The following NKAIN2 variants were observed in gnomAD, a reference collection of about 807,000 sequenced individuals.
The protein encoded by NKAIN2 is sodium/potassium transporting ATPase interacting 2.
NKAIN2 carries 14 observed loss-of-function variants against 32.6 expected under a neutral mutation model. The observed-to-expected ratio is 0.43, with a 90% CI of 0.28 to 0.67. The LOEUF (loss-of-function observed/expected upper bound fraction) is 0.67, where lower values mean the gene tolerates loss of function less well. Among genes scored for constraint, NKAIN2 ranks in the 30% least tolerant of loss-of-function variants. The pLI is 0.17. For synonymous variants in NKAIN2, 80 were observed against 87.2 expected, an observed-to-expected ratio of 0.92 and a Z score of 0.46; for missense variants, 198 against 258.3, an observed-to-expected ratio of 0.77 and a Z score of 1.60.
chr6:124,017,585 T>C (rs1780640702), intron 1 of NKAIN2, among the ~76,000 whole-genome samples: 1 of 152,020 alleles, frequency 6.6e-6, no homozygotes. Context: ...CCATTCCAAA[T>C]GGGAGAAATT....
At chr6:123,967,913 C>T (rs1032250906) in intron 1 of NKAIN2, among the ~76,000 whole-genome samples, 7 of 152,062 alleles carry the variant, frequency 4.6e-5, no homozygotes, top group Non-Finnish European at 8.8e-5. Context: ...CTTAACTAAT[C>T]GTGCCTATAA....
chr6:124,090,262 T>C (rs957112447), intron 1 of NKAIN2, among the ~76,000 whole-genome samples: 1 of 152,066 alleles, frequency 6.6e-6, no homozygotes, highest in Non-Finnish European at 1.5e-5. Flanking sequence ...TTAGATTCTT[T>C]AACTGAAGTC....
At chr6:124,613,055 G>A (rs1782750261) in intron 3 of NKAIN2, among the ~76,000 whole-genome samples, 1 of 152,114 alleles carries the variant, frequency 6.6e-6, no homozygotes, top group South Asian at 2.1e-4. Context: ...CTTTTTGAAT[G>A]TTTCAATATA....
chr6:124,055,543 G>A (rs1782603930), intron 1 of NKAIN2, among the ~76,000 whole-genome samples: 3 of 151,750 alleles, frequency 2.0e-5, no homozygotes, highest in Non-Finnish European at 4.4e-5. Flanking sequence ...CCATTCTTTT[G>A]TCCTCAGAGA....
chr6:123,927,625 G>A (rs1159121283), intron 1 of NKAIN2, among the ~76,000 whole-genome samples: 2 of 152,180 alleles, frequency 1.3e-5, no homozygotes, highest in Non-Finnish European at 2.9e-5. Context: ...CAAGAAAGGT[G>A]CTTATTTCTC....
chr6:124,612,525 T>A (rs1208103147), intron 3 of NKAIN2, among the ~76,000 whole-genome samples: 1 of 151,956 alleles, frequency 6.6e-6, no homozygotes, highest in Non-Finnish European at 1.5e-5. Context: ...ATTCTTGAAG[T>A]CTTATACCTG....
At chr6:124,697,690 TTC>T (rs1268784503) in intron 4 of NKAIN2, among the ~76,000 whole-genome samples, 1 of 152,224 alleles carries the variant, frequency 6.6e-6, no homozygotes, top group Non-Finnish European at 1.5e-5. Flanking sequence ...TCTATATTGT[TTC>T]TGTTTCAAAT....
intron 4 of NKAIN2, among the ~76,000 whole-genome samples, chr6:124,779,571 T>C (rs1446152061): frequency 6.6e-6 from 1 of 152,118 alleles, no homozygotes; most frequent in African/African-American, 2.4e-5. Flanking sequence ...TGGCCTCCAA[T>C]TGATTTTGAC....
intron 1 of NKAIN2, among the ~76,000 whole-genome samples, chr6:124,276,118 T>C (rs192546927): frequency 2.6e-5 from 4 of 152,126 alleles, no homozygotes; most frequent in African/African-American, 9.7e-5. Context: ...TGGTGGTGTT[T>C]CGTTGTGGTG....
At chr6:124,433,739 CCA>C (rs1036401764) in intron 3 of NKAIN2, among the ~76,000 whole-genome samples, 3 of 152,080 alleles carry the variant, frequency 2.0e-5, no homozygotes, top group African/African-American at 7.2e-5. Flanking sequence ...CAAGAGGCTA[CCA>C]TGAATATTTG....
chr6:124,235,929 A>G (rs989043300), intron 1 of NKAIN2, among the ~76,000 whole-genome samples: 4 of 151,528 alleles, frequency 2.6e-5, no homozygotes, highest in Admixed American at 6.6e-5. Context: ...TTAATTTTTC[A>G]TGATTCTTTT....
intron 3 of NKAIN2, among the ~76,000 whole-genome samples, chr6:124,526,187 C>A (rs974316356): frequency 3.9e-5 from 6 of 151,918 alleles, no homozygotes; most frequent in Non-Finnish European, 5.9e-5. Context: ...ACAAAAGAAG[C>A]TGGAATAGAG....
chr6:124,028,803 G>A lies in NKAIN2; in HGVS notation c.54+224549G>A, dbSNP rs577895174. 4.9e-5 allele frequency among the ~76,000 whole-genome samples: 7 copies of A among 144,084 alleles called. No homozygotes were observed. The South Asian group carries it at 1.1e-3, about 22-fold the overall frequency. The allele number at this position is 144,084 out of a possible 152,430, so 94.5% of individuals were successfully genotyped here. ...TATATACGCATATACGTGTATATACGTATATATACGTATATGTGTATATAT... is the reference window on the plus strand; with the variant it reads ...TATATACGCATATACGTGTATATACATATATATACGTATATGTGTATATAT... On this transcript the variant is annotated intron_variant, in intron 1 of 6. Transcript: ENST00000368417.
intron 3 of NKAIN2, among the ~76,000 whole-genome samples, chr6:124,453,592 T>C (rs1303603254): frequency 1.3e-5 from 2 of 152,006 alleles, no homozygotes; most frequent in Non-Finnish European, 2.9e-5. Flanking sequence ...TCAGAGACTA[T>C]TAAAAGAGAG....
intron 1 of NKAIN2, among the ~76,000 whole-genome samples, chr6:124,028,916 T>C (rs535815119): frequency 2.9e-3 from 45 of 15,678 alleles, no homozygotes; most frequent in East Asian, 4.1e-3. Context: ...CATATATGTA[T>C]ATATATGTGT....
At chr6:123,930,300 G>A (rs565787723) in intron 1 of NKAIN2, among the ~76,000 whole-genome samples, 1 of 152,052 alleles carries the variant, frequency 6.6e-6, no homozygotes, top group South Asian at 2.1e-4. Context: ...TGTAGATATA[G>A]CCAGAGTAGG....
At chr6:124,204,993 AAAG>A (rs1562421233) in intron 1 of NKAIN2, among the ~76,000 whole-genome samples, 1 of 151,716 alleles carries the variant, frequency 6.6e-6, no homozygotes, top group African/African-American at 2.4e-5. Flanking sequence ...AGCAAAAAAA[AAAG>A]CCTATATATC....
At chr6:123,866,001 G>A (rs1442948856) in intron 1 of NKAIN2, among the ~76,000 whole-genome samples, 1 of 152,118 alleles carries the variant, frequency 6.6e-6, no homozygotes, top group Non-Finnish European at 1.5e-5. Context: ...TAGAAAATGC[G>A]TCACTTCCAA....
In NKAIN2 at chr6:124,367,683, C is replaced by T. The variant is rs547132402; in HGVS notation, c.273+12336C>T. 2.6e-5 allele frequency among the ~76,000 whole-genome samples: 4 copies of T among 152,162 alleles called. No individual in the cohort carries two copies. In the South Asian group the frequency reaches 8.3e-4, roughly 32 times the overall value. On this transcript the variant is annotated intron_variant, in intron 3 of 6. Coordinates refer to ENST00000368417, the MANE Select transcript of NKAIN2 (RefSeq NM_001040214.3). ...ATTTTGAGTTGTAAGGATTTAATTA[C>T]TGGGAACTTCGACATAGGGCACAAG...
Sources: allele counts gnomAD v4.1 joint callset (sites outside exome capture counted in the v4.1 genomes callset), GRCh38; gene constraint gnomAD v4.1.1; transcripts MANE v1.5; gene names NCBI Gene and HGNC (gene_info 2026-07-23, HGNC 2026-07-21).